The following UTP20 variants were observed in gnomAD, a reference collection of about 807,000 sequenced individuals.
The protein encoded by UTP20 is small subunit processome component 20 homolog.
UTP20 carries 164 observed loss-of-function variants against 329.5 expected under a neutral mutation model. The observed-to-expected ratio is 0.50, with a 90% CI of 0.44 to 0.57. The LOEUF (loss-of-function observed/expected upper bound fraction) is 0.57. Ranked by LOEUF, UTP20 falls within the 20% of genes least tolerant of loss-of-function variation. UTP20 has a pLI of 0.00. For missense variants in UTP20, 3,055 were observed against 3,284.2 expected, an observed-to-expected ratio of 0.93 and a Z score of 1.71; for synonymous variants, 1,151 against 1,159.3, an observed-to-expected ratio of 0.99 and a Z score of 0.14.
In UTP20 at chr12:101,353,713, AAAG is replaced by A. The variant is rs1299293991; in HGVS notation, c.5107+587_5107+589del. Among the ~76,000 whole-genome samples, 3 of 152,164 alleles carry A rather than the reference AAAG, an allele frequency of 2.0e-5. No homozygotes were observed. The East Asian group carries it at 5.8e-4, about 29-fold the overall frequency. ...AGTGAGACCCTATGTCTAAAAATAAAAAGAAATTAAAATAAAATTTTTAAACAT... is the reference window on the plus strand; with the variant it reads ...AGTGAGACCCTATGTCTAAAAATAAAAAATTAAAATAAAATTTTTAAACAT... On this transcript the variant is annotated intron_variant, in intron 40 of 61. Transcript: ENST00000261637.
chr12:101,287,286 T>C (rs1478516876), intron 5 of UTP20, among the ~76,000 whole-genome samples: 1 of 152,216 alleles, frequency 6.6e-6, no homozygotes, highest in Non-Finnish European at 1.5e-5. Flanking sequence ...AAAGAAATCT[T>C]TTTCCAGCCT....
Position 101,320,679 on chromosome 12 carries a change from T to A in UTP20, c.2830-173T>A, listed in dbSNP as rs1305243003. Among the ~76,000 whole-genome samples, 3 of 152,224 alleles carry A rather than the reference T, an allele frequency of 2.0e-5. No homozygotes were observed. In the East Asian group the frequency reaches 5.8e-4, roughly 29 times the overall value. The stretch of plus-strand genomic sequence containing the variant: ...CATTTTTACTTTGCATATATTCTGT[T>A]CATCTTTTTTTACTTCCAGGAAAAT... On this transcript the variant is annotated intron_variant, in intron 23 of 61. Coordinates refer to ENST00000261637, the MANE Select transcript of UTP20 (RefSeq NM_014503.3).
chr12:101,359,707 A>G (rs1869850828), intron 43 of UTP20, among the ~76,000 whole-genome samples: 2 of 151,982 alleles, frequency 1.3e-5, no homozygotes. Flanking sequence ...CTTTGCTGAC[A>G]CTTAATTTTT....
At chr12:101,378,440 T>C (rs1029903154) in intron 56 of UTP20, among the ~76,000 whole-genome samples, 2 of 152,116 alleles carry the variant, frequency 1.3e-5, no homozygotes, top group Non-Finnish European at 2.9e-5. Flanking sequence ...AATGTAACTG[T>C]TGGCCAGGCA....
Position 101,312,252 on chromosome 12 carries a change from C to T in UTP20, c.2528C>T (p.Ser843Phe), listed in dbSNP as rs1356368141. Reference protein sequence around the residue: ...ERVEPRSRELSPLFLRFINNE... With the variant: ...ERVEPRSRELFPLFLRFINNE... ...GTAGAGCCACGGTCCAGGGAGCTTT[C>T]CCCGCTTTTCTTGAGATTTATCAAG... Residue 843 changes from serine (S) to phenylalanine (F), a missense_variant, in exon 21 of 62, where the codon TCC (serine) becomes TTC (phenylalanine). By Grantham distance (155) the Ser-to-Phe change is radical. Coordinates refer to ENST00000261637, the MANE Select transcript of UTP20 (RefSeq NM_014503.3). 1 of 1,613,966 alleles carries T rather than the reference C, an allele frequency of 6.2e-7. No individual in the cohort carries two copies. Among genetic ancestry groups the T allele is most frequent in the African/African-American group, 1.3e-5 (1 of 74,916 alleles).
intron 38 of UTP20, among the ~76,000 whole-genome samples, chr12:101,349,413 T>C (rs1237705881): frequency 6.7e-6 from 1 of 149,362 alleles, no homozygotes; most frequent in African/African-American, 2.5e-5. Context: ...TCTTTTTTTT[T>C]CTTTCTTTTT....
chr12:101,333,267 T>C (rs202137878), intron 27 of UTP20, 34 bp from the exon 28 acceptor site: 3 of 1,602,072 alleles, frequency 1.9e-6, no homozygotes, highest in Non-Finnish European at 2.6e-6. Flanking sequence ...ATGATACATA[T>C]GTATTTTTTG....
chr12:101,293,252 A>C lies in UTP20; in HGVS notation c.1251+7A>C, dbSNP rs754642753. 1.2e-6 allele frequency: 2 copies of C among 1,612,328 alleles called. No homozygotes were observed. The highest frequency in any genetic ancestry group is 1.7e-6 in the Non-Finnish European group (2 of 1,178,784). On this transcript the variant is annotated splice_region_variant and intron_variant, in intron 11 of 61. Transcript: ENST00000261637. ...CATGAAGCAGTTTGAGCAGGTAAGC[A>C]AGTTACTAAGTTCGGAGTATTTTTA...
intron 45 of UTP20, among the ~76,000 whole-genome samples, chr12:101,364,034 C>T (rs1016458144): frequency 2.0e-5 from 3 of 152,126 alleles, no homozygotes; most frequent in Admixed American, 6.6e-5. Flanking sequence ...GCACACAAGC[C>T]GCATAGTGCT....
intron 8 of UTP20, 106 bp from the exon 9 acceptor site, chr12:101,291,636 C>T (rs1872158665): frequency 8.3e-7 from 1 of 1,197,630 alleles, no homozygotes; most frequent in Admixed American, 3.3e-5. Context: ...CTTTTTCTTC[C>T]AAAGCAAGAG....
At chr12:101,347,878 G>A (rs1321693835) in intron 38 of UTP20, among the ~76,000 whole-genome samples, 2 of 152,132 alleles carry the variant, frequency 1.3e-5, no homozygotes, top group South Asian at 4.1e-4. Flanking sequence ...ACCTAGGCTG[G>A]AGTGCAGTAG....
intron 22 of UTP20, among the ~76,000 whole-genome samples, chr12:101,318,647 A>G (rs1038196509): frequency 1.3e-5 from 2 of 152,102 alleles, no homozygotes; most frequent in South Asian, 2.1e-4. Flanking sequence ...CCTGGCCAAC[A>G]TGGTAAAACG....
intron 29 of UTP20, 36 bp downstream of exon 29, chr12:101,334,540 A>G (rs754652532): frequency 1.3e-6 from 2 of 1,564,852 alleles, no homozygotes; most frequent in East Asian, 2.2e-5. Flanking sequence ...TAAAAAGGGC[A>G]GTGTTTTAGA....
chr12:101,372,835 A>G (rs2121035570), intron 51 of UTP20, 49 bp from the exon 52 acceptor site: 1 of 1,475,878 alleles, frequency 6.8e-7, no homozygotes, highest in East Asian at 2.3e-5. Context: ...GGAAACAGGA[A>G]TACTAGAGGT....
At chr12:101,320,734 G>T in intron 23 of UTP20, 118 bp from the exon 24 acceptor site, 1 of 743,194 alleles carries the variant, frequency 1.3e-6, no homozygotes, top group Non-Finnish European at 2.0e-6. Flanking sequence ...TCAGGTTTAG[G>T]TCTTGTGTAA....
rs1055960252 is a variant in UTP20 at position 101,286,572 on chromosome 12, A to G, written c.515+63A>G. The G allele has an allele frequency of 5.1e-6, 7 of 1,379,092 alleles. No homozygotes were observed. The African/African-American group carries it at 7.3e-5, about 14-fold the overall frequency. The allele number at this position is 1,379,092 out of a possible 1,614,324, so 85.4% of individuals were successfully genotyped here. On this transcript the variant is annotated intron_variant, in intron 5 of 61. Transcript: ENST00000261637. The stretch of plus-strand genomic sequence containing the variant: ...CTGCTTCTTTTTCCCTGGCTTCTTT[A>G]TGACTCCAAACCACTTTGCCAGCTC...
intron 25 of UTP20, chr12:101,326,866 G>A (rs1300997225): frequency 5.3e-6 from 2 of 374,166 alleles, no homozygotes; most frequent in East Asian, 9.9e-5. Flanking sequence ...TGGGACTACA[G>A]GCACGTAGCA....
intron 48 of UTP20, 26 bp from the exon 49 acceptor site, chr12:101,369,695 G>T (rs990759260): frequency 8.0e-7 from 1 of 1,250,712 alleles, no homozygotes; most frequent in African/African-American, 1.5e-5. Flanking sequence ...TCACAAGTTG[G>T]TGGTGTTTTG....
At chr12:101,381,579 A>G (rs984156480) in intron 58 of UTP20, among the ~76,000 whole-genome samples, 10 of 152,150 alleles carry the variant, frequency 6.6e-5, no homozygotes, top group Admixed American at 2.0e-4. Flanking sequence ...CTAAGCTTAC[A>G]TTTGTTATTT....
Sources: gnomAD v4.1 joint callset for allele counts (sites outside exome capture counted in the v4.1 genomes callset) on GRCh38, gnomAD v4.1.1 for gene constraint, MANE v1.5 for transcripts, NCBI Gene and HGNC (gene_info 2026-07-23, HGNC 2026-07-21) for gene names.